The following ODAD4 variants were observed in gnomAD, a reference collection of about 807,000 sequenced individuals.
ODAD4 encodes outer dynein arm-docking complex subunit 4.
ODAD4 carries 49 observed loss-of-function variants against 51.8 expected under a neutral mutation model. That is an observed-to-expected ratio of 0.95 (90% CI 0.75 to 1.20). The LOEUF (loss-of-function observed/expected upper bound fraction) is 1.20, where lower values mean the gene tolerates loss of function less well. ODAD4 is among the 50% of genes most tolerant of loss of function. The pLI is 0.00. For synonymous variants in ODAD4, 235 were observed against 221.3 expected (o/e 1.06, Z -0.55); for missense variants, 590 against 586.5 (o/e 1.01, Z -0.06).
intron 9 of ODAD4, among the ~76,000 whole-genome samples, chr17:41,953,434 G>T (rs1300431338): frequency 6.6e-6 from 1 of 152,156 alleles, no homozygotes; most frequent in African/African-American, 2.4e-5. Context: ...GTGCTTGGGA[G>T]GAGGATAGAT....
intron 9 of ODAD4, among the ~76,000 whole-genome samples, chr17:41,953,048 C>T (rs995629031): frequency 5.3e-5 from 8 of 151,900 alleles, no homozygotes; most frequent in Non-Finnish European, 1.0e-4. Flanking sequence ...AGTGTAATGG[C>T]GTTTTATTTT....
At chr17:41,943,620 C>G (rs2050537202) in intron 7 of ODAD4, among the ~76,000 whole-genome samples, 1 of 152,166 alleles carries the variant, frequency 6.6e-6, no homozygotes, top group African/African-American at 2.4e-5. Flanking sequence ...TCAGTTAAGG[C>G]TATTTTCACT....
At chr17:41,945,544 C>G (rs1045334914) in intron 8 of ODAD4, among the ~76,000 whole-genome samples, 1 of 151,956 alleles carries the variant, frequency 6.6e-6, no homozygotes, top group Non-Finnish European at 1.5e-5. Flanking sequence ...CTGTACAGGT[C>G]TGCAGCAACC....
At chr17:41,935,550 C>G in intron 2 of ODAD4, 49 bp from the exon 3 acceptor site, 1 of 1,578,596 alleles carries the variant, frequency 6.3e-7, no homozygotes, top group Non-Finnish European at 8.6e-7. Flanking sequence ...ACATGTGAGT[C>G]CTATAAGGCC....
chr17:41,949,604 G>A (rs2050628089), intron 9 of ODAD4, among the ~76,000 whole-genome samples: 2 of 152,154 alleles, frequency 1.3e-5, no homozygotes, highest in African/African-American at 2.4e-5. Context: ...ACACAGCATC[G>A]TGTCATCCTC....
At chr17:41,944,432 ACACACACACACACCC>A (rs782311982) in intron 7 of ODAD4, among the ~76,000 whole-genome samples, 3,044 of 10,878 alleles carry the variant, frequency 0.28, 208 homozygotes, top group African/African-American at 0.32. Flanking sequence ...ACACACACAC[ACACACACACACACCC>A]CCCCGCATAC....
In ODAD4 at chr17:41,930,766, T is replaced by G; in HGVS notation, c.43T>G (p.Ser15Ala). The change falls in exon 1 of 12, where the codon TCT (serine) becomes GCT (alanine). Residue 15 changes from serine (S) to alanine (A), a missense_variant. By Grantham distance (99) the Ser-to-Ala change is moderately conservative (BLOSUM62 1). Transcript: ENST00000377540. ...CGAGACCTTGCGAAGCACCTTTCCC[T>G]CTTATATGGCCGAAGGCGAGCGGCT... Reference protein sequence around the residue: ...EGETLRSTFPSYMAEGERLYL... With the variant: ...EGETLRSTFPAYMAEGERLYL... 5.0e-6 allele frequency: 8 copies of G among 1,610,828 alleles called. No individual in the cohort carries two copies. The highest frequency in any genetic ancestry group is 6.8e-6 in the Non-Finnish European group (8 of 1,178,520).
chr17:41,947,319 G>A (rs2050602457), intron 8 of ODAD4, among the ~76,000 whole-genome samples: 1 of 147,718 alleles, frequency 6.8e-6, no homozygotes, highest in South Asian at 2.2e-4. Context: ...TAAAAAAAAA[G>A]AAAAAAAATA....
intron 10 of ODAD4, among the ~76,000 whole-genome samples, chr17:41,958,054 G>A (rs1555641229): frequency 1.3e-5 from 2 of 152,256 alleles, no homozygotes; most frequent in East Asian, 1.9e-4. Flanking sequence ...TGGGATTACA[G>A]GTGTGAGCCA....
chr17:41,963,135 C>T (rs1246072014), intron 11 of ODAD4, among the ~76,000 whole-genome samples: 3 of 152,170 alleles, frequency 2.0e-5, no homozygotes, highest in Non-Finnish European at 4.4e-5. Context: ...CTGCCGGGCA[C>T]GTCCCTCTCA....
chr17:41,940,982 C>G (rs2050496712), intron 7 of ODAD4, among the ~76,000 whole-genome samples: 1 of 152,216 alleles, frequency 6.6e-6, no homozygotes, highest in African/African-American at 2.4e-5. Flanking sequence ...AGTCCCAAGC[C>G]AGAAGACCGG....
rs1315448881 is a variant in ODAD4, at chr17:41,939,344, A to G, written c.1058+172A>G. Among the ~76,000 whole-genome samples the G allele has an allele frequency of 3.3e-5, 5 of 152,324 alleles. No individual in the cohort carries two copies. The East Asian group carries it at 7.7e-4, about 24-fold the overall frequency. On this transcript the variant is annotated intron_variant, in intron 7 of 11. Coordinates refer to ENST00000377540, the MANE Select transcript of ODAD4 (RefSeq NM_031421.5). ...CCTGCCCAGGACTGAGGGTGGGGGC[A>G]CCTAGACTGTTAGCTTTTTTGCCAC...
intron 5 of ODAD4, 61 bp from the exon 6 acceptor site, chr17:41,938,495 CA>C: frequency 7.1e-7 from 1 of 1,415,526 alleles, no homozygotes; most frequent in Non-Finnish European, 9.8e-7. Flanking sequence ...CGGGAGGAAA[CA>C]GGAGGCAAAT....
chr17:41,944,436 ACACACACACC>A (rs1422974826), intron 7 of ODAD4, among the ~76,000 whole-genome samples: 156 of 4,058 alleles, frequency 0.038, 8 homozygotes, highest in African/African-American at 0.076. Flanking sequence ...ACACACACAC[ACACACACACC>A]CCCCCGCATA....
chr17:41,933,086 C>T (rs535323459), intron 1 of ODAD4, among the ~76,000 whole-genome samples: 33 of 151,296 alleles, frequency 2.2e-4, no homozygotes, highest in African/African-American at 7.3e-4. Context: ...CAATTGAGTT[C>T]GGTAGCCCTG....
At chr17:41,962,009 A>G (rs1555641827) in intron 11 of ODAD4, among the ~76,000 whole-genome samples, 2 of 152,216 alleles carry the variant, frequency 1.3e-5, no homozygotes, top group African/African-American at 2.4e-5. Flanking sequence ...AAGTGGGAGA[A>G]GAAAGGCATT....
chr17:41,939,420 T>G (rs1361468295), intron 7 of ODAD4, among the ~76,000 whole-genome samples: 1 of 152,206 alleles, frequency 6.6e-6, no homozygotes, highest in Non-Finnish European at 1.5e-5. Context: ...GATCTGGCTC[T>G]TAGGGATGTT....
At chr17:41,961,584 G>A (rs561983056) in intron 11 of ODAD4, 118 bp downstream of exon 11, 27 of 658,116 alleles carry the variant, frequency 4.1e-5, no homozygotes, top group Middle Eastern at 3.5e-4. Context: ...ACTGCCCATC[G>A]TGCATTCTAA....
At chr17:41,964,184 C>G (rs1555642154) in intron 11 of ODAD4, among the ~76,000 whole-genome samples, 1 of 152,082 alleles carries the variant, frequency 6.6e-6, no homozygotes, top group African/African-American at 2.4e-5. Flanking sequence ...CCTCAGCCTC[C>G]CAAGTAGCTG....
Sources: allele counts gnomAD v4.1 joint callset (sites outside exome capture counted in the v4.1 genomes callset), GRCh38; gene constraint gnomAD v4.1.1; transcripts MANE v1.5; gene names NCBI Gene and HGNC (gene_info 2026-07-23, HGNC 2026-07-21).